The following OSBPL10 variants were observed in gnomAD, a reference collection of about 807,000 sequenced individuals.
OSBPL10 encodes the protein oxysterol-binding protein-related protein 10.
A neutral mutation model predicts 81.7 loss-of-function variants in OSBPL10; 49 were observed. The observed-to-expected ratio is 0.60, with a 90% confidence interval of 0.48 to 0.76. OSBPL10 has a LOEUF of 0.76. Among genes scored for constraint, OSBPL10 ranks in the 30% least tolerant of loss-of-function variants. The pLI, the probability that OSBPL10 is intolerant of heterozygous loss-of-function variation, is 0.00. For synonymous variants in OSBPL10, 419 were observed against 383.6 expected (o/e 1.09, Z -1.08); for missense variants, 923 against 987.8 (o/e 0.93, Z 0.88).
At chr3:31,925,710 G>A (rs1319870657) in intron 1 of OSBPL10, among the ~76,000 whole-genome samples, 8 of 152,132 alleles carry the variant, frequency 5.3e-5, no homozygotes, top group Non-Finnish European at 1.2e-4. Flanking sequence ...CTACTTGGGA[G>A]GCTGAAGCAG....
At chr3:31,718,079 G>A (rs1696510142) in intron 6 of OSBPL10, 1 of 151,640 alleles carries the variant, frequency 6.6e-6, no homozygotes, top group Admixed American at 6.6e-5. Flanking sequence ...AAATATTCTA[G>A]TTTTTGTTTG....
intron 1 of OSBPL10, among the ~76,000 whole-genome samples, chr3:32,054,028 A>G (rs1341561391): frequency 6.6e-6 from 1 of 152,214 alleles, no homozygotes; most frequent in East Asian, 1.9e-4. Flanking sequence ...TGAATAAGCT[A>G]CAGGAAAAAG....
intron 1 of OSBPL10, among the ~76,000 whole-genome samples, chr3:32,076,495 A>G (rs1699878704): frequency 6.6e-6 from 1 of 152,134 alleles, no homozygotes; most frequent in Admixed American, 6.5e-5. Flanking sequence ...TCACACGGAC[A>G]CGCGTGACAC....
intron 4 of OSBPL10, among the ~76,000 whole-genome samples, chr3:31,768,351 T>G (rs113988979): frequency 0.028 from 4,230 of 152,270 alleles, 90 homozygotes; most frequent in Middle Eastern, 0.041. Flanking sequence ...ATCTCAGGGC[T>G]GCCCAATTTT....
At chr3:31,987,006 C>G (rs1698943126) in intron 2 of OSBPL10, among the ~76,000 whole-genome samples, 1 of 150,954 alleles carries the variant, frequency 6.6e-6, no homozygotes, top group African/African-American at 2.4e-5. Context: ...GACCCTATCT[C>G]AAAAAAAACA....
chr3:32,019,667 A>G (rs1699344362), intron 2 of OSBPL10, among the ~76,000 whole-genome samples: 1 of 152,238 alleles, frequency 6.6e-6, no homozygotes. Context: ...ATCTAACTAA[A>G]AATGAATTTT....
chr3:31,819,838 A>G (rs1162638578), intron 4 of OSBPL10, among the ~76,000 whole-genome samples: 1 of 152,218 alleles, frequency 6.6e-6, no homozygotes, highest in East Asian at 1.9e-4. Flanking sequence ...TAAGTAAGAG[A>G]GATTACAGAG....
At position 31,814,284 on chromosome 3, in the gene OSBPL10, C is replaced by T. The variant is rs112555858; in HGVS notation, c.729+15756G>A. ...TTGTACTAAATCATAAACACAAAGT[C>T]GAAAATGGAAGACTAATCTCATGCT... On this transcript the variant is annotated intron_variant, in intron 4 of 11. Coordinates refer to ENST00000396556, the MANE Select transcript of OSBPL10 (RefSeq NM_017784.5). 4.8e-3 allele frequency among the ~76,000 whole-genome samples: 734 copies of T among 152,264 alleles called. 3 individuals carry two copies. Among genetic ancestry groups the T allele is most frequent in the Non-Finnish European group, 8.3e-3 (562 of 68,028 alleles).
chr3:31,825,025 G>A (rs1048985396), intron 4 of OSBPL10, among the ~76,000 whole-genome samples: 5 of 152,142 alleles, frequency 3.3e-5, no homozygotes, highest in South Asian at 2.1e-4. Context: ...GACAAGAAGG[G>A]GCACTGAGGG....
At chr3:31,848,930 T>C (rs1255642271) in intron 3 of OSBPL10, among the ~76,000 whole-genome samples, 1 of 152,226 alleles carries the variant, frequency 6.6e-6, no homozygotes. Context: ...TCCCTTTCAT[T>C]ACTTAGCAAA....
chr3:31,849,461 G>A (rs997276970), intron 3 of OSBPL10, among the ~76,000 whole-genome samples: 2 of 151,972 alleles, frequency 1.3e-5, no homozygotes, highest in African/African-American at 4.8e-5. Context: ...ACAAAGACAG[G>A]ACTAGAAGAT....
At chr3:31,782,430 GATAA>G (rs1055263403) in intron 4 of OSBPL10, among the ~76,000 whole-genome samples, 2 of 152,094 alleles carry the variant, frequency 1.3e-5, no homozygotes, top group African/African-American at 4.8e-5. Flanking sequence ...ACAACAAAAA[GATAA>G]ATAGATGGAA....
chr3:31,783,991 C>G (rs2125777809), intron 4 of OSBPL10, among the ~76,000 whole-genome samples: 1 of 150,878 alleles, frequency 6.6e-6, no homozygotes, highest in African/African-American at 2.4e-5. Flanking sequence ...CAAATGATAA[C>G]AAGTTTGTGA....
chr3:31,897,039 G>A (rs894299023), intron 1 of OSBPL10, among the ~76,000 whole-genome samples: 1 of 151,946 alleles, frequency 6.6e-6, no homozygotes, highest in Non-Finnish European at 1.5e-5. Flanking sequence ...GCCAGAGGCA[G>A]AAAGAACCAG....
chr3:32,030,392 A>G (rs1483696780), intron 2 of OSBPL10: 16 of 619,780 alleles, frequency 2.6e-5, no homozygotes, highest in Non-Finnish European at 4.5e-5. Context: ...AGAGTCTACA[A>G]TGTGACCCAG....
In OSBPL10 at chr3:31,752,419, C is replaced by G. The variant is rs551283819; in HGVS notation, c.730-4299G>C. On this transcript the variant is annotated intron_variant, in intron 4 of 11. Transcript: ENST00000396556. ...AGCCCCAAATTAAATTTCAGAGATACAATCACCTGAAAATATCAACTCTGA... is the reference window on the plus strand; with the variant it reads ...AGCCCCAAATTAAATTTCAGAGATAGAATCACCTGAAAATATCAACTCTGA... Among the ~76,000 whole-genome samples the G allele has an allele frequency of 1.1e-4, 17 of 152,274 alleles. No homozygotes were observed. The South Asian group carries it at 3.5e-3, about 32-fold the overall frequency.
At chr3:32,010,688 C>G (rs1244757777) in intron 2 of OSBPL10, among the ~76,000 whole-genome samples, 1 of 152,190 alleles carries the variant, frequency 6.6e-6, no homozygotes, top group Admixed American at 6.5e-5. Context: ...ATTCCCTTTC[C>G]TAGCCAAGGA....
chr3:31,821,139 T>C (rs1344473377), intron 4 of OSBPL10, among the ~76,000 whole-genome samples: 2 of 152,072 alleles, frequency 1.3e-5, no homozygotes, highest in South Asian at 2.1e-4. Flanking sequence ...CCCAGCAGGT[T>C]GAGACCACAA....
At chr3:31,756,461 G>T (rs1697892932) in intron 4 of OSBPL10, among the ~76,000 whole-genome samples, 1 of 152,136 alleles carries the variant, frequency 6.6e-6, no homozygotes, top group Non-Finnish European at 1.5e-5. Context: ...TTATAAAGAA[G>T]GAAGTAAAGT....
Sources: allele counts gnomAD v4.1 joint callset (sites outside exome capture counted in the v4.1 genomes callset), GRCh38; gene constraint gnomAD v4.1.1; transcripts MANE v1.5; gene names NCBI Gene and HGNC (gene_info 2026-07-23, HGNC 2026-07-21).